The following PRICKLE1 variants were observed in gnomAD, a reference collection of about 807,000 sequenced individuals.
The protein encoded by PRICKLE1 is prickle-like protein 1.
In PRICKLE1, 14 loss-of-function variants were observed where a neutral mutation model predicts 70.2. The ratio of observed to expected loss-of-function variants is 0.20; its 90% CI spans 0.13 to 0.31. The LOEUF is 0.31. Among genes scored for constraint, PRICKLE1 ranks in the 10% least tolerant of loss-of-function variants. PRICKLE1 has a pLI of 1.00. For missense variants in PRICKLE1, 821 were observed against 1,026.2 expected, an observed-to-expected ratio of 0.80 and a Z score of 2.73; for synonymous variants, 357 against 379.9, an observed-to-expected ratio of 0.94 and a Z score of 0.70.
chr12:42,492,488 G>C (rs939583952), intron 1 of PRICKLE1, among the ~76,000 whole-genome samples: 1 of 152,114 alleles, frequency 6.6e-6, no homozygotes, highest in Admixed American at 6.6e-5. Context: ...GAATTATTTC[G>C]AGCAGCCAGA....
rs1345086413 is a variant in PRICKLE1 at position 42,460,543 on chromosome 12, G to T, written c.1762C>A (p.Leu588Met). 1 of 1,614,012 alleles carries T rather than the reference G, an allele frequency of 6.2e-7. No homozygotes were observed. Among genetic ancestry groups the T allele is most frequent in the South Asian group, 1.1e-5 (1 of 91,088 alleles). The change falls in exon 8 of 8, where the codon CTG (leucine) becomes ATG (methionine). Residue 588 changes from leucine to methionine, a missense_variant. Transcript: ENST00000345127. The part of the protein sequence containing the change: ...SNMGTLNSSM[L>M]HRSAESLKSL... ...TTTAAGGACTCTGCACTCCTGTGCA[G>T]CATGGAAGAGTTCAAAGTTCCCATA... is the stretch of plus-strand genomic sequence containing the variant.
At chr12:42,488,922 C>CTTTT (rs768868836) in intron 1 of PRICKLE1, among the ~76,000 whole-genome samples, 21 of 130,890 alleles carry the variant, frequency 1.6e-4, no homozygotes, top group African/African-American at 5.5e-4. Context: ...ATCAATCTAT[C>CTTTT]TTTTTTTTTT....
intron 1 of PRICKLE1, among the ~76,000 whole-genome samples, chr12:42,481,114 T>C (rs964896910): frequency 1.3e-5 from 2 of 152,172 alleles, no homozygotes; most frequent in East Asian, 3.8e-4. Context: ...AATACATAAG[T>C]ACCTTAGGGC....
chr12:42,534,182 A>G (rs891987562), intron 1 of PRICKLE1, among the ~76,000 whole-genome samples: 2 of 152,202 alleles, frequency 1.3e-5, no homozygotes, highest in Non-Finnish European at 2.9e-5. Context: ...AAGAAAGAAA[A>G]GAGCAGATCC....
At chr12:42,514,937 C>CTATCTATG (rs1555235199) in intron 1 of PRICKLE1, among the ~76,000 whole-genome samples, 6 of 139,096 alleles carry the variant, frequency 4.3e-5, no homozygotes, top group Admixed American at 7.4e-5. Flanking sequence ...ATCTATCTAT[C>CTATCTATG]TATATTTTTT....
At chr12:42,559,728 C>T (rs576497300) in intron 1 of PRICKLE1, among the ~76,000 whole-genome samples, 1 of 150,950 alleles carries the variant, frequency 6.6e-6, no homozygotes, top group Non-Finnish European at 1.5e-5. Context: ...CTTCCCAAAG[C>T]ATTGGGATTA....
At chr12:42,537,719 C>G (rs896114149) in intron 1 of PRICKLE1, among the ~76,000 whole-genome samples, 1 of 152,288 alleles carries the variant, frequency 6.6e-6, no homozygotes, top group Non-Finnish European at 1.5e-5. Flanking sequence ...TAGCAAACTA[C>G]GCTCTCCTCC....
chr12:42,500,378 T>G (rs536897197), intron 1 of PRICKLE1, among the ~76,000 whole-genome samples: 1 of 152,216 alleles, frequency 6.6e-6, no homozygotes, highest in Non-Finnish European at 1.5e-5. Flanking sequence ...TGTTGCCTAT[T>G]AGGCATTACC....
intron 1 of PRICKLE1, among the ~76,000 whole-genome samples, chr12:42,573,503 G>A (rs1375727854): frequency 6.6e-6 from 1 of 152,088 alleles, no homozygotes; most frequent in African/African-American, 2.4e-5. Context: ...CCCAAAGATT[G>A]GCAGAGAAAG....
At chr12:42,506,136 T>C (rs140708886) in intron 1 of PRICKLE1, among the ~76,000 whole-genome samples, 2 of 152,324 alleles carry the variant, frequency 1.3e-5, no homozygotes, top group East Asian at 3.9e-4. Flanking sequence ...TCAGGACTTT[T>C]ATGAAAAGTT....
intron 1 of PRICKLE1, among the ~76,000 whole-genome samples, chr12:42,544,331 A>G (rs959683165): frequency 6.6e-5 from 10 of 151,968 alleles, no homozygotes; most frequent in Non-Finnish European, 1.3e-4. Flanking sequence ...AGTAGATGTA[A>G]TTTTTTTTGT....
intron 1 of PRICKLE1, among the ~76,000 whole-genome samples, chr12:42,486,807 G>T (rs549609976): frequency 5.3e-5 from 8 of 152,302 alleles, no homozygotes; most frequent in Admixed American, 3.9e-4. Context: ...ACTACTGTAA[G>T]TTCCAGCAAT....
chr12:42,512,157 GAT>G (rs140626879), intron 1 of PRICKLE1, among the ~76,000 whole-genome samples: 2,164 of 152,158 alleles, frequency 0.014, 39 homozygotes, highest in African/African-American at 0.049. Flanking sequence ...AAAGTTTCCA[GAT>G]ATGGACAGAT....
At chr12:42,463,225 A>G (rs979438171) in intron 7 of PRICKLE1, among the ~76,000 whole-genome samples, 2 of 152,154 alleles carry the variant, frequency 1.3e-5, no homozygotes, top group African/African-American at 4.8e-5. Context: ...CAGGAACCTG[A>G]GAGGCAGAGG....
At chr12:42,472,241 C>G in intron 2 of PRICKLE1, 144 bp downstream of exon 2, 6 of 956,906 alleles carry the variant, frequency 6.3e-6, no homozygotes, top group Non-Finnish European at 9.5e-6. Flanking sequence ...AGTAAAACTT[C>G]AAAGCCATAC....
intron 1 of PRICKLE1, among the ~76,000 whole-genome samples, chr12:42,552,938 T>C (rs572840349): frequency 1.3e-3 from 192 of 152,184 alleles, no homozygotes; most frequent in Non-Finnish European, 2.0e-3. Flanking sequence ...CGGTTCACAA[T>C]AGAGTTTGAG....
At position 42,477,144 on chromosome 12, in the gene PRICKLE1, G is replaced by C. The variant is rs1251570097; in HGVS notation, c.-48-4580C>G. 2.6e-5 allele frequency among the ~76,000 whole-genome samples: 4 copies of C among 151,832 alleles called. No individual in the cohort carries two copies. In the South Asian group the frequency reaches 8.3e-4, roughly 32 times the overall value. ...TCCCAGCACTTTGGGAGGCCAAGGCGGGTGGATCACCTGAGGTTGGGAGTT... is the reference window on the plus strand; with the variant it reads ...TCCCAGCACTTTGGGAGGCCAAGGCCGGTGGATCACCTGAGGTTGGGAGTT... On this transcript the variant is annotated intron_variant, in intron 1 of 7. Coordinates refer to ENST00000345127, the MANE Select transcript of PRICKLE1 (RefSeq NM_153026.3).
intron 1 of PRICKLE1, among the ~76,000 whole-genome samples, chr12:42,569,979 C>T (rs145746179): frequency 1.2e-4 from 19 of 152,320 alleles, no homozygotes; most frequent in Admixed American, 8.5e-4. Flanking sequence ...TGAATCAATT[C>T]GAAATCAATG....
intron 1 of PRICKLE1, among the ~76,000 whole-genome samples, chr12:42,573,825 C>T (rs1053008078): frequency 5.3e-5 from 8 of 152,112 alleles, no homozygotes; most frequent in African/African-American, 1.2e-4. Context: ...CATGAGCCAC[C>T]GCACCAGGCT....
Sources: gnomAD v4.1 joint callset for allele counts (sites outside exome capture counted in the v4.1 genomes callset) on GRCh38, gnomAD v4.1.1 for gene constraint, MANE v1.5 for transcripts, NCBI Gene and HGNC (gene_info 2026-07-23, HGNC 2026-07-21) for gene names.